Variants in NRP1 observed in about 807,000 individuals in gnomAD.
The protein encoded by NRP1 is neuropilin 1, also known as neuropilin-1.
Under a neutral mutation model 106.7 loss-of-function variants are expected in NRP1, and 35 were observed. The observed-to-expected ratio is 0.33, with a 90% CI of 0.25 to 0.43. The LOEUF (loss-of-function observed/expected upper bound fraction) is 0.43. Ranked by LOEUF, NRP1 falls within the 20% of genes least tolerant of loss-of-function variation. The probability of loss-of-function intolerance (pLI) is 1.00; values close to 1 mark genes in which losing one functional copy is unlikely to be tolerated. For missense variants in NRP1, 1,024 were observed against 1,170.4 expected (o/e 0.87, Z 1.83); for synonymous variants, 437 against 417.9 (o/e 1.05, Z -0.56).
chr10:33,222,498 GATTTATTTATTT>G (rs35691858), intron 7 of NRP1, among the ~76,000 whole-genome samples: 1,234 of 104,034 alleles, frequency 0.012, 20 homozygotes, highest in African/African-American at 0.037. Flanking sequence ...TGTGCGTCAA[GATTTATTTATTT>G]ATTTATTTAT....
intron 12 of NRP1, among the ~76,000 whole-genome samples, chr10:33,196,670 G>T (rs1836809031): frequency 3.3e-5 from 5 of 152,134 alleles, no homozygotes; most frequent in Admixed American, 3.3e-4. Context: ...GGGCAGCTGG[G>T]GGTTAAGTTT....
intron 2 of NRP1, 126 bp downstream of exon 2, chr10:33,330,582 G>T: frequency 1.5e-6 from 1 of 657,752 alleles, no homozygotes; most frequent in Non-Finnish European, 2.3e-6. Flanking sequence ...CATATAATCT[G>T]GCTGAGATTG....
At chr10:33,319,394 A>C (rs936505033) in intron 2 of NRP1, among the ~76,000 whole-genome samples, 4 of 152,040 alleles carry the variant, frequency 2.6e-5, no homozygotes, top group Non-Finnish European at 5.9e-5. Context: ...GTAGCTAGCT[A>C]GAGGTTTGTA....
chr10:33,204,115 CA>C (rs1162248828), intron 10 of NRP1, among the ~76,000 whole-genome samples: 1 of 152,036 alleles, frequency 6.6e-6, no homozygotes, highest in Non-Finnish European at 1.5e-5. Context: ...TTTCACTTTA[CA>C]AGACTTGAGA....
intron 2 of NRP1, among the ~76,000 whole-genome samples, chr10:33,292,401 A>C (rs1588936012): frequency 6.6e-6 from 1 of 152,210 alleles, no homozygotes; most frequent in African/African-American, 2.4e-5. Context: ...TCTTTCCAGC[A>C]TATTTTTTTA....
At chr10:33,243,629 T>C (rs769716912) in intron 6 of NRP1, among the ~76,000 whole-genome samples, 54 of 27,876 alleles carry the variant, frequency 1.9e-3, no homozygotes, top group Non-Finnish European at 2.6e-3. Flanking sequence ...AATAATGCCA[T>C]ACATAAGTGC....
rs117384165 is a variant in NRP1 at position 33,183,881 on chromosome 10, G to A, written c.2432-1133C>T. Among the ~76,000 whole-genome samples, 1,351 of 152,320 alleles carry A rather than the reference G, an allele frequency of 8.9e-3. 14 individuals carry two copies. Among genetic ancestry groups the A allele is most frequent in the South Asian group, 0.016 (77 of 4,826 alleles). On this transcript the variant is annotated intron_variant, in intron 15 of 16. Coordinates refer to ENST00000374867, the MANE Select transcript of NRP1 (RefSeq NM_003873.7). ...ATAAACAAAGTGGTTTAATGGAGCC[G>A]TAGTTGTGAATTTCCCACTACAATG...
In NRP1 at chr10:33,249,266, C is replaced by T. The variant is rs559924986; in HGVS notation, c.981+4762G>A. ...AATTAACGAATTAAATTCTGCTTTG[C>T]GTGTCAATGGCTACGTTCAGGATCT... On this transcript the variant is annotated intron_variant, in intron 6 of 16. Coordinates refer to ENST00000374867, the MANE Select transcript of NRP1 (RefSeq NM_003873.7). 6 of 297,932 alleles carry T rather than the reference C, an allele frequency of 2.0e-5. No homozygotes were observed. The Admixed American group carries it at 2.4e-4, about 12-fold the overall frequency. 18.5% of individuals were successfully genotyped at this position (297,932 alleles called of 1,614,324 possible).
intron 6 of NRP1, among the ~76,000 whole-genome samples, chr10:33,239,446 C>A (rs940215542): frequency 1.3e-5 from 2 of 152,218 alleles, no homozygotes; most frequent in African/African-American, 4.8e-5. Context: ...TTCCTCCAAA[C>A]TGCCTGTCAT....
intron 15 of NRP1, among the ~76,000 whole-genome samples, chr10:33,184,803 T>C (rs980864720): frequency 3.3e-5 from 5 of 152,324 alleles, no homozygotes; most frequent in African/African-American, 1.2e-4. Context: ...AAAAGCTTTG[T>C]AAGTTGCTGA....
At chr10:33,320,961 CAA>C (rs1177351709) in intron 2 of NRP1, among the ~76,000 whole-genome samples, 1 of 152,102 alleles carries the variant, frequency 6.6e-6, no homozygotes, top group Non-Finnish European at 1.5e-5. Context: ...GCCATCTTTC[CAA>C]AAGAGTTGAT....
At chr10:33,197,742 A>T in intron 11 of NRP1, 33 bp from the exon 12 acceptor site, 1 of 1,323,784 alleles carries the variant, frequency 7.6e-7, no homozygotes, top group Non-Finnish European at 1.1e-6. Flanking sequence ...TGCAAAAATA[A>T]GAAAACAGTA....
intron 2 of NRP1, among the ~76,000 whole-genome samples, chr10:33,307,628 C>T (rs1846263330): frequency 6.6e-6 from 1 of 152,146 alleles, no homozygotes; most frequent in African/African-American, 2.4e-5. Flanking sequence ...TTTAGTTCAG[C>T]AACCACACTT....
At chr10:33,208,768 T>C (rs1372528973) in intron 9 of NRP1, among the ~76,000 whole-genome samples, 3 of 152,268 alleles carry the variant, frequency 2.0e-5, no homozygotes, top group South Asian at 2.1e-4. Context: ...CTTCCTATGA[T>C]ATTGAAAAAC....
At position 33,270,789 on chromosome 10, in the gene NRP1, T is replaced by C. The variant is rs1338361507; in HGVS notation, c.316A>G (p.Lys106Glu). ...GACACAACAGGAGGAGGGGCTATCT[T>C]TCCACAGAACTTTCCCCTAAAATGT... Reference protein sequence around the residue: ...NGHFRGKFCGKIAPPPVVSSG... With the variant: ...NGHFRGKFCGEIAPPPVVSSG... The change falls in exon 3 of 17, where the codon AAG becomes GAG. Residue 106 changes from lysine (K) to glutamate (E), a missense_variant. Transcript: ENST00000374867. 1 of 1,613,818 alleles carries C rather than the reference T, an allele frequency of 6.2e-7. No individual in the cohort carries two copies. Among genetic ancestry groups the C allele is most frequent in the East Asian group, 2.2e-5 (1 of 44,886 alleles).
At chr10:33,310,414 C>T (rs1846515540) in intron 2 of NRP1, among the ~76,000 whole-genome samples, 1 of 151,694 alleles carries the variant, frequency 6.6e-6, no homozygotes, top group African/African-American at 2.4e-5. Context: ...CCACGCCTAG[C>T]TAATTTTTGC....
At chr10:33,322,276 G>A (rs7070290) in intron 2 of NRP1, among the ~76,000 whole-genome samples, 19,948 of 152,036 alleles carry the variant, frequency 0.13, 1,661 homozygotes, top group East Asian at 0.29. Flanking sequence ...ATTTATATGC[G>A]CTTTGTGCTT....
At chr10:33,185,505 A>G (rs1422393942) in intron 15 of NRP1, 123 bp downstream of exon 15, 4 of 683,610 alleles carry the variant, frequency 5.9e-6, no homozygotes, top group African/African-American at 1.8e-5. Context: ...CGCATTTCCT[A>G]TGATGTGCCG....
Position 33,213,574 on chromosome 10 carries a change from C to G in NRP1, c.1426G>C (p.Ala476Pro), listed in dbSNP as rs564902260. Residue 476 changes from alanine (A) to proline (P), a missense_variant, in exon 9 of 17, where the codon GCA becomes CCA. Ala to Pro is a conservative substitution (Grantham distance 27). Coordinates refer to ENST00000374867, the MANE Select transcript of NRP1 (RefSeq NM_003873.7). ...CACTCATTGATGTAGGAATGAGGTG[C>G]GGGTGGAAGTGCCCAGCCAGAGCGA... ...TSRSGWALPP[A>P]PHSYINEWLQ... 3.1e-5 allele frequency: 50 copies of G among 1,613,986 alleles called. No individual in the cohort carries two copies. Among genetic ancestry groups the G allele is most frequent in the Non-Finnish European group, 4.1e-5 (48 of 1,179,990 alleles).
Sources: allele counts gnomAD v4.1 joint callset (sites outside exome capture counted in the v4.1 genomes callset), GRCh38; gene constraint gnomAD v4.1.1; transcripts MANE v1.5; gene names NCBI Gene and HGNC (gene_info 2026-07-23, HGNC 2026-07-21).